LRP1B: variants seen among roughly 807,000 people sequenced by gnomAD.
LRP1B encodes the protein low-density lipoprotein receptor-related protein 1B.
LRP1B carries 217 observed loss-of-function variants against 556.6 expected under a neutral mutation model. The observed-to-expected ratio is 0.39, with a 90% CI of 0.35 to 0.44. LRP1B has a LOEUF of 0.44. Ranked by LOEUF, LRP1B falls within the 20% of genes least tolerant of loss-of-function variation. The pLI, the probability that LRP1B is intolerant of heterozygous loss-of-function variation, is 1.00. For missense variants in LRP1B, 5,053 were observed against 5,620.8 expected, an observed-to-expected ratio of 0.90 and a Z score of 3.23; for synonymous variants, 2,047 against 1,865.8, an observed-to-expected ratio of 1.10 and a Z score of -2.50.
At chr2:141,392,006 G>A (rs1454609035) in intron 3 of LRP1B, among the ~76,000 whole-genome samples, 1 of 152,066 alleles carries the variant, frequency 6.6e-6, no homozygotes, top group Non-Finnish European at 1.5e-5. Flanking sequence ...CAAAGCATGA[G>A]GAGGGGATGG....
chr2:141,006,018 TG>T (rs1342636694), intron 14 of LRP1B, among the ~76,000 whole-genome samples: 2 of 151,964 alleles, frequency 1.3e-5, no homozygotes, highest in Admixed American at 1.3e-4. Flanking sequence ...GTTCTCCCAG[TG>T]GATCTAAAAA....
intron 1 of LRP1B, among the ~76,000 whole-genome samples, chr2:141,827,831 G>A (rs999715015): frequency 6.6e-6 from 1 of 151,782 alleles, no homozygotes; most frequent in Non-Finnish European, 1.5e-5. Flanking sequence ...TTGCTATAAA[G>A]TATATATATA....
intron 35 of LRP1B, among the ~76,000 whole-genome samples, chr2:140,730,950 C>A (rs558883868): frequency 6.6e-6 from 1 of 152,288 alleles, no homozygotes; most frequent in East Asian, 1.9e-4. Context: ...TAGTGTCTCA[C>A]ACGCTTTCCT....
intron 2 of LRP1B, among the ~76,000 whole-genome samples, chr2:141,556,820 T>C (rs1322984752): frequency 6.6e-6 from 1 of 151,772 alleles, no homozygotes; most frequent in African/African-American, 2.4e-5. Flanking sequence ...AGTATCTCTG[T>C]TTTAGAGATA....
chr2:141,743,605 T>G (rs1001531017), intron 2 of LRP1B, among the ~76,000 whole-genome samples: 1 of 151,724 alleles, frequency 6.6e-6, no homozygotes, highest in African/African-American at 2.4e-5. Context: ...GGCTTTTCTT[T>G]GCTGGAAAAC....
chr2:141,572,842 G>A (rs1392240031), intron 2 of LRP1B, among the ~76,000 whole-genome samples: 1 of 152,012 alleles, frequency 6.6e-6, no homozygotes, highest in Non-Finnish European at 1.5e-5. Flanking sequence ...GATCAAAAGA[G>A]ACAAAAAAGG....
At chr2:141,646,454 G>C (rs1164616107) in intron 2 of LRP1B, among the ~76,000 whole-genome samples, 1 of 152,134 alleles carries the variant, frequency 6.6e-6, no homozygotes, top group Non-Finnish European at 1.5e-5. Context: ...GTGATACACA[G>C]TGCTGTGCTA....
intron 7 of LRP1B, among the ~76,000 whole-genome samples, chr2:141,086,445 C>G (rs189224918): frequency 6.6e-6 from 1 of 152,194 alleles, no homozygotes; most frequent in East Asian, 1.9e-4. Flanking sequence ...CTATCATTAT[C>G]CTTTTTGATG....
intron 6 of LRP1B, among the ~76,000 whole-genome samples, chr2:141,190,630 C>G (rs1432353189): frequency 6.6e-6 from 1 of 151,888 alleles, no homozygotes; most frequent in Non-Finnish European, 1.5e-5. Context: ...GAGGTTAGAC[C>G]AGCAATACTG....
At chr2:140,249,429 A>G (rs1014162998) in intron 86 of LRP1B, among the ~76,000 whole-genome samples, 6 of 151,652 alleles carry the variant, frequency 4.0e-5, no homozygotes, top group Non-Finnish European at 8.9e-5. Flanking sequence ...AGTATTTATG[A>G]TAGATAAAAG....
At chr2:140,356,834 C>T (rs1459741599) in intron 74 of LRP1B, among the ~76,000 whole-genome samples, 1 of 151,790 alleles carries the variant, frequency 6.6e-6, no homozygotes. Context: ...AGAGCCAAAG[C>T]ATTTCCTATA....
chr2:142,074,518 C>A (rs1179064125), intron 1 of LRP1B, among the ~76,000 whole-genome samples: 1 of 151,992 alleles, frequency 6.6e-6, no homozygotes, highest in Non-Finnish European at 1.5e-5. Context: ...CATTTCTGGC[C>A]ATGCCTTCTA....
intron 2 of LRP1B, among the ~76,000 whole-genome samples, chr2:141,658,493 G>C (rs1247031258): frequency 6.6e-6 from 1 of 152,182 alleles, no homozygotes; most frequent in African/African-American, 2.4e-5. Context: ...AGGTCTCCTT[G>C]TTGTCCCTGA....
chr2:141,247,153 C>T (rs1684096533), intron 5 of LRP1B, 73 bp downstream of exon 5: 4 of 1,557,730 alleles, frequency 2.6e-6, no homozygotes, highest in Non-Finnish European at 3.5e-6. Flanking sequence ...TATACCACAT[C>T]TCTAATGAAA....
chr2:140,596,197 G>C (rs1682432809), intron 43 of LRP1B, among the ~76,000 whole-genome samples: 1 of 152,140 alleles, frequency 6.6e-6, no homozygotes, highest in Non-Finnish European at 1.5e-5. Context: ...CCTTGCAATG[G>C]TGTGAGGGTG....
intron 1 of LRP1B, among the ~76,000 whole-genome samples, chr2:141,998,651 G>C (rs1304896807): frequency 6.6e-6 from 1 of 152,154 alleles, no homozygotes; most frequent in African/African-American, 2.4e-5. Flanking sequence ...TCAGGCTATA[G>C]GTTGGTTTTA....
chr2:141,982,844 G>A, intron 1 of LRP1B, among the ~76,000 whole-genome samples: 1 of 152,086 alleles, frequency 6.6e-6, no homozygotes. Context: ...TTTATATTTA[G>A]AACAATGTAG....
intron 32 of LRP1B, among the ~76,000 whole-genome samples, chr2:140,789,066 C>T (rs1690013297): frequency 6.6e-6 from 1 of 152,146 alleles, no homozygotes; most frequent in African/African-American, 2.4e-5. Context: ...AGATACCCAG[C>T]TTGTGGTATT....
intron 84 of LRP1B, among the ~76,000 whole-genome samples, chr2:140,297,533 G>A (rs1293943710): frequency 6.6e-6 from 1 of 152,092 alleles, no homozygotes; most frequent in Non-Finnish European, 1.5e-5. Context: ...TTGCTAAGAA[G>A]TGCAAAAGAG....
Sources: gnomAD v4.1 joint callset for allele counts (sites outside exome capture counted in the v4.1 genomes callset) on GRCh38, gnomAD v4.1.1 for gene constraint, MANE v1.5 for transcripts, NCBI Gene and HGNC (gene_info 2026-07-23, HGNC 2026-07-21) for gene names.